Variants in TAB2 observed in about 807,000 individuals in gnomAD.
The protein encoded by TAB2 is TGF-beta activated kinase 1 (MAP3K7) binding protein 2, also known as TGF-beta-activated kinase 1 and MAP3K7-binding protein 2.
Under a neutral mutation model 65.0 loss-of-function variants are expected in TAB2, and 3 were observed. That is an observed-to-expected ratio of 0.05 (90% CI 0.02 to 0.12). The LOEUF is 0.12. TAB2 is among the 10% of genes least tolerant of loss of function. TAB2 has a pLI of 1.00. For missense variants in TAB2, 623 were observed against 840.3 expected, an observed-to-expected ratio of 0.74 and a Z score of 3.20; for synonymous variants, 298 against 285.1, an observed-to-expected ratio of 1.05 and a Z score of -0.46.
At chr6:149,281,305 C>T (rs1562398960) in intron 1 of TAB2, among the ~76,000 whole-genome samples, 1 of 151,794 alleles carries the variant, frequency 6.6e-6, no homozygotes, top group Non-Finnish European at 1.5e-5. Flanking sequence ...GGTACGATAT[C>T]CCTTGAAAGT....
At chr6:149,272,912 C>T (rs1418069681) in intron 1 of TAB2, among the ~76,000 whole-genome samples, 1 of 152,170 alleles carries the variant, frequency 6.6e-6, no homozygotes. Flanking sequence ...AGCATGAGTC[C>T]TATTGTGAAC....
At chr6:149,218,257 C>T (rs574600988), upstream of TAB2, among the ~76,000 whole-genome samples, 6 of 152,112 alleles carry the variant, frequency 3.9e-5, no homozygotes, top group Admixed American at 6.5e-5. Context: ...ATTTTGTACT[C>T]GGATAGGTTG....
intron 1 of TAB2, chr6:149,244,518 G>C (rs887739601): frequency 6.6e-6 from 1 of 152,326 alleles, no homozygotes; most frequent in Non-Finnish European, 1.5e-5. Flanking sequence ...TGCCTAGGCA[G>C]AGTCTGGAAA....
At chr6:149,349,960 C>T (rs1780435695) in intron 1 of TAB2, among the ~76,000 whole-genome samples, 1 of 152,038 alleles carries the variant, frequency 6.6e-6, no homozygotes, top group Admixed American at 6.6e-5. Flanking sequence ...GAGATGGAGT[C>T]TCACTCTGTC....
At chr6:149,327,224 T>A (rs1419570077) in intron 1 of TAB2, among the ~76,000 whole-genome samples, 1 of 152,246 alleles carries the variant, frequency 6.6e-6, no homozygotes, top group East Asian at 1.9e-4. Context: ...GTCATCATTA[T>A]AAAATATAGG....
At chr6:149,316,969 G>C (rs1465684119), upstream of TAB2, among the ~76,000 whole-genome samples, 1 of 151,512 alleles carries the variant, frequency 6.6e-6, no homozygotes, top group Non-Finnish European at 1.5e-5. Context: ...GTGTGTCCCG[G>C]ACCGCAGCGA....
At chr6:149,332,256 A>AAG (rs1779807011) in intron 1 of TAB2, among the ~76,000 whole-genome samples, 1 of 152,290 alleles carries the variant, frequency 6.6e-6, no homozygotes, top group Non-Finnish European at 1.5e-5. Flanking sequence ...GAATTCAAGC[A>AAG]AGAGATTCAG....
intron 3 of TAB2, among the ~76,000 whole-genome samples, chr6:149,397,373 A>G (rs1249208059): frequency 6.6e-6 from 1 of 152,192 alleles, no homozygotes; most frequent in South Asian, 2.1e-4. Flanking sequence ...CCCAGGAGGC[A>G]GAGGTTGCAC....
In TAB2 at chr6:149,289,537, C is replaced by T. The variant is rs142209383; in HGVS notation, c.-121+70761C>T. On this transcript the variant is annotated intron_variant, in intron 1 of 1. Coordinates refer to the TAB2 transcript ENST00000606202. ...AACAGGTGTTTCCCACATGCAGCCACGTGGAGAATCACAGTCCTGCCTGAC... is the reference window on the plus strand; with the variant it reads ...AACAGGTGTTTCCCACATGCAGCCATGTGGAGAATCACAGTCCTGCCTGAC... Among the ~76,000 whole-genome samples, 1,141 of 152,336 alleles carry T rather than the reference C, an allele frequency of 7.5e-3. 13 individuals are homozygous for T. The highest frequency in any genetic ancestry group is 0.026 in the African/African-American group (1,087 of 41,572).
chr6:149,371,758 C>T (rs1781234402), intron 2 of TAB2, among the ~76,000 whole-genome samples: 1 of 151,698 alleles, frequency 6.6e-6, no homozygotes, highest in Non-Finnish European at 1.5e-5. Context: ...GGAATAACAA[C>T]AGCAGAAAGC....
At chr6:149,323,313 A>G (rs1455726367) in intron 1 of TAB2, among the ~76,000 whole-genome samples, 1 of 152,184 alleles carries the variant, frequency 6.6e-6, no homozygotes, top group African/African-American at 2.4e-5. Context: ...ATTAGTCTTC[A>G]TTAACCTATT....
intron 1 of TAB2, among the ~76,000 whole-genome samples, chr6:149,225,098 A>G (rs117603303): frequency 0.012 from 1,853 of 152,358 alleles, 24 homozygotes; most frequent in Non-Finnish European, 0.017. Flanking sequence ...TGCTACAGAC[A>G]TTACAGCCAA....
At chr6:149,370,546 T>G (rs1044613395) in intron 2 of TAB2, among the ~76,000 whole-genome samples, 2 of 152,204 alleles carry the variant, frequency 1.3e-5, no homozygotes, top group Admixed American at 1.3e-4. Flanking sequence ...TTTTTTAATC[T>G]GTAAAATAAA....
chr6:149,273,512 C>A (rs943667487), intron 1 of TAB2, among the ~76,000 whole-genome samples: 2 of 152,156 alleles, frequency 1.3e-5, no homozygotes, highest in Admixed American at 6.5e-5. Context: ...ACTGCCAGGG[C>A]CAGGTGCTGT....
intron 1 of TAB2, among the ~76,000 whole-genome samples, chr6:149,357,814 C>A (rs1466118192): frequency 1.3e-5 from 2 of 151,922 alleles, no homozygotes; most frequent in African/African-American, 4.8e-5. Flanking sequence ...ATTCTCCTGT[C>A]TCAGCCTCCC....
chr6:149,404,315 C>T (rs1441744249), intron 6 of TAB2, among the ~76,000 whole-genome samples: 1 of 152,028 alleles, frequency 6.6e-6, no homozygotes, highest in Non-Finnish European at 1.5e-5. Flanking sequence ...GAAACGTAGC[C>T]TGTGTTTATG....
upstream of TAB2, among the ~76,000 whole-genome samples, chr6:149,314,933 T>G (rs188130712): frequency 6.6e-6 from 1 of 152,242 alleles, no homozygotes; most frequent in Admixed American, 6.5e-5. Flanking sequence ...TTTTCCTTTT[T>G]ATTTTCTCCA....
At chr6:149,293,571 T>C (rs903953587) in intron 1 of TAB2, among the ~76,000 whole-genome samples, 7 of 152,222 alleles carry the variant, frequency 4.6e-5, no homozygotes, top group African/African-American at 1.7e-4. Context: ...ATTTAATGAA[T>C]GAAAGACCAG....
chr6:149,263,734 G>C (rs549646463), intron 1 of TAB2, among the ~76,000 whole-genome samples: 2 of 152,304 alleles, frequency 1.3e-5, no homozygotes, highest in South Asian at 4.1e-4. Flanking sequence ...TACGAGCCAG[G>C]CACACAATTT....
Sources: gnomAD v4.1 joint callset for allele counts (sites outside exome capture counted in the v4.1 genomes callset) on GRCh38, gnomAD v4.1.1 for gene constraint, MANE v1.5 for transcripts, NCBI Gene and HGNC (gene_info 2026-07-23, HGNC 2026-07-21) for gene names.